DRC11: variants seen among roughly 807,000 people sequenced by gnomAD.
The protein encoded by DRC11 is dynein regulatory complex subunit 11.
the DRC11 span, chr2:236,488,281 A>C: frequency 3.1e-6 from 3 of 975,718 alleles, no homozygotes; most frequent in Non-Finnish European, 4.3e-6. Flanking sequence ...TTCAAACACA[A>C]TCCTGCTAAG....
the DRC11 span, among the ~76,000 whole-genome samples, chr2:236,426,018 C>T: frequency 6.6e-6 from 1 of 151,918 alleles, no homozygotes; most frequent in Non-Finnish European, 1.5e-5. This position sits in a 1 kb window ranked among gnomAD's most constrained non-coding sequence, Gnocchi z 4.1. Flanking sequence ...CAGTATCACG[C>T]TGTTTTGCTT....
chr2:236,325,276 C>A, the DRC11 span, among the ~76,000 whole-genome samples: 1 of 152,066 alleles, frequency 6.6e-6, no homozygotes, highest in Admixed American at 6.5e-5. The surrounding 1 kb of genome is among the most constrained non-coding windows in gnomAD (Gnocchi z 4.4). Flanking sequence ...TCAACCTTTG[C>A]GTTTTATTTG....
chr2:236,433,099 T>C, the DRC11 span, among the ~76,000 whole-genome samples: 1 of 152,188 alleles, frequency 6.6e-6, no homozygotes, highest in African/African-American at 2.4e-5. Flanking sequence ...TTTTCTGTTC[T>C]TTTCCATTGA....
chr2:236,442,961 A>T, the DRC11 span, among the ~76,000 whole-genome samples: 1 of 152,180 alleles, frequency 6.6e-6, no homozygotes, highest in Non-Finnish European at 1.5e-5. Context: ...ATGATGTTCC[A>T]TTAAGAAATG....
the DRC11 span, among the ~76,000 whole-genome samples, chr2:236,483,427 A>G: frequency 6.6e-6 from 1 of 152,224 alleles, no homozygotes; most frequent in Admixed American, 6.5e-5. This position sits in a 1 kb window ranked among gnomAD's most constrained non-coding sequence, Gnocchi z 4.8. Context: ...ACAGAAATTA[A>G]GAATGTAGGT....
At chr2:236,347,453 G>A in the DRC11 span, among the ~76,000 whole-genome samples, 1 of 149,100 alleles carries the variant, frequency 6.7e-6, no homozygotes, top group Admixed American at 6.7e-5. Flanking sequence ...ATGCACAATT[G>A]CAAAATTGTG....
At chr2:236,374,757 C>G in the DRC11 span, among the ~76,000 whole-genome samples, 1 of 152,014 alleles carries the variant, frequency 6.6e-6, no homozygotes, top group Non-Finnish European at 1.5e-5. Flanking sequence ...ATGGCGTGAC[C>G]TTGGCTCACT....
At chr2:236,348,891 C>T in the DRC11 span, among the ~76,000 whole-genome samples, 1 of 152,154 alleles carries the variant, frequency 6.6e-6, no homozygotes, top group Non-Finnish European at 1.5e-5. This position sits in a 1 kb window ranked among gnomAD's most constrained non-coding sequence, Gnocchi z 7.4. Context: ...GTAGCTTCAG[C>T]TGGCCTCTAC....
chr2:236,460,502 C>T, the DRC11 span, among the ~76,000 whole-genome samples: 3 of 152,272 alleles, frequency 2.0e-5, no homozygotes, highest in South Asian at 2.1e-4. This position sits in a 1 kb window ranked among gnomAD's most constrained non-coding sequence, Gnocchi z 4.0. Flanking sequence ...AGGTATTATA[C>T]TCATTGATGT....
At chr2:236,440,410 T>C in the DRC11 span, among the ~76,000 whole-genome samples, 1 of 152,230 alleles carries the variant, frequency 6.6e-6, no homozygotes, top group Non-Finnish European at 1.5e-5. Flanking sequence ...TCATTGAGTA[T>C]AATGCAAATC....
the DRC11 span, among the ~76,000 whole-genome samples, chr2:236,365,821 C>T: frequency 6.6e-6 from 1 of 152,242 alleles, no homozygotes; most frequent in Non-Finnish European, 1.5e-5. The surrounding 1 kb of genome is among the most constrained non-coding windows in gnomAD (Gnocchi z 7.4). Flanking sequence ...TGACAGGACA[C>T]ACATGTGCCA....
chr2:236,503,347 G>C, the DRC11 span, among the ~76,000 whole-genome samples: 2 of 152,202 alleles, frequency 1.3e-5, no homozygotes, highest in African/African-American at 4.8e-5. The surrounding 1 kb of genome is among the most constrained non-coding windows in gnomAD (Gnocchi z 4.9). Context: ...ACCTGCTGTG[G>C]GCAGAACCAT....
the DRC11 span, among the ~76,000 whole-genome samples, chr2:236,425,183 G>A: frequency 6.6e-6 from 1 of 152,014 alleles, no homozygotes; most frequent in Non-Finnish European, 1.5e-5. Context: ...ATACTCAGTA[G>A]TGGGATTGCT....
chr2:236,473,882 T>C, the DRC11 span, among the ~76,000 whole-genome samples: 5 of 152,140 alleles, frequency 3.3e-5, no homozygotes, highest in Non-Finnish European at 7.4e-5. The surrounding 1 kb of genome is among the most constrained non-coding windows in gnomAD (Gnocchi z 4.8). Context: ...AGTTACTAAA[T>C]AGTCACTCCT....
the DRC11 span, among the ~76,000 whole-genome samples, chr2:236,502,968 G>T: frequency 6.6e-6 from 1 of 152,094 alleles, no homozygotes; most frequent in South Asian, 2.1e-4. Flanking sequence ...AAAAAGAAAA[G>T]AAAAGCTATA....
At chr2:236,419,315 T>A in the DRC11 span, 2 of 1,510,102 alleles carry the variant, frequency 1.3e-6, no homozygotes, top group East Asian at 2.5e-5. This position sits in a 1 kb window ranked among gnomAD's most constrained non-coding sequence, Gnocchi z 4.8. Context: ...TAGATCCCTA[T>A]CAAGAGAAGG....
At chr2:236,357,176 T>TCATATATATCTATATA in the DRC11 span, among the ~76,000 whole-genome samples, 3 of 91,670 alleles carry the variant, frequency 3.3e-5, no homozygotes, top group Non-Finnish European at 4.5e-5. Context: ...ATCTATATAT[T>TCATATATATCTATATA]ATATATATTC....
chr2:236,414,797 T>C, the DRC11 span, among the ~76,000 whole-genome samples: 1 of 152,242 alleles, frequency 6.6e-6, no homozygotes, highest in African/African-American at 2.4e-5. Context: ...ACCAAGTTTC[T>C]TGATGAAAAG....
At chr2:236,505,729 G>A in the DRC11 span, among the ~76,000 whole-genome samples, 1 of 152,038 alleles carries the variant, frequency 6.6e-6, no homozygotes, top group African/African-American at 2.4e-5. Context: ...CCATTGTTAA[G>A]TGCTGAGTTC....
Sources: allele counts gnomAD v4.1 joint callset (sites outside exome capture counted in the v4.1 genomes callset), GRCh38; gene constraint gnomAD v4.1.1; non-coding constraint Gnocchi (gnomAD v3.1); transcripts MANE v1.5; gene names NCBI Gene and HGNC (gene_info 2026-07-23, HGNC 2026-07-21).